ZAN: variants seen among roughly 807,000 people sequenced by gnomAD.
The protein encoded by ZAN is zonadhesin (gene/pseudogene).
A neutral mutation model predicts 286.2 loss-of-function variants in ZAN; 260 were observed. The observed-to-expected ratio is 0.91, with a 90% confidence interval of 0.82 to 1.01. The LOEUF (loss-of-function observed/expected upper bound fraction) is 1.01. ZAN is among the 50% of genes least tolerant of loss of function. ZAN has a pLI of 0.00. For missense variants in ZAN, 3,410 were observed against 3,639.2 expected (o/e 0.94, Z 1.62); for synonymous variants, 1,368 against 1,417.5 (o/e 0.97, Z 0.79).
At position 100,734,248 on chromosome 7, in the gene ZAN, A is replaced by G; in HGVS notation, c.53+27A>G. On this transcript the variant is annotated intron_variant, in intron 2 of 47. Coordinates refer to ENST00000613979, the MANE Select transcript of ZAN (RefSeq NM_003386.3). Reference sequence around the variant, plus strand: ...TAAGCTGGGCCCAGGGGGTAATGATAAACCAGGGTCAGCTGAGGGTGGCTG... The same window carrying G: ...TAAGCTGGGCCCAGGGGGTAATGATGAACCAGGGTCAGCTGAGGGTGGCTG... The G allele has an allele frequency of 1.4e-6, 2 of 1,387,108 alleles. 1 individual carries two copies. Among genetic ancestry groups the G allele is most frequent in the Non-Finnish European group, 2.0e-6 (2 of 1,020,002 alleles). The allele number at this position is 1,387,108 out of a possible 1,614,324, so 85.9% of individuals were successfully genotyped here. A position where few individuals can be genotyped will look rare whatever the true frequency, so the allele number is the denominator to read the frequency against.
intron 7 of ZAN, among the ~76,000 whole-genome samples, chr7:100,743,956 A>G (rs1426582836): frequency 6.6e-6 from 1 of 151,360 alleles, no homozygotes; most frequent in Non-Finnish European, 1.5e-5. Context: ...GCCTCAAGCC[A>G]TCTTCCTGCT....
chr7:100,761,587 T>C (rs1016915479), intron 19 of ZAN, among the ~76,000 whole-genome samples: 19 of 151,944 alleles, frequency 1.3e-4, no homozygotes, highest in African/African-American at 4.4e-4. Context: ...TGAGCCGAGA[T>C]TGCACCACTG....
chr7:100,734,234 C>A lies in ZAN; in HGVS notation c.53+13C>A. 1.4e-6 allele frequency: 2 copies of A among 1,428,994 alleles called. No individual in the cohort carries two copies. Among genetic ancestry groups the A allele is most frequent in the East Asian group, 2.5e-5 (1 of 39,486 alleles). The allele number at this position is 1,428,994 out of a possible 1,614,324, so 88.5% of individuals were successfully genotyped here. ...CTGCCCTTTTCAGGTAAGCTGGGCC[C>A]AGGGGGTAATGATAAACCAGGGTCA... On this transcript the variant is annotated intron_variant, in intron 2 of 47. Coordinates refer to ENST00000613979, the MANE Select transcript of ZAN (RefSeq NM_003386.3).
At chr7:100,790,290 C>T (rs142004479) in intron 39 of ZAN, among the ~76,000 whole-genome samples, 5,733 of 151,664 alleles carry the variant, frequency 0.038, 384 homozygotes, top group African/African-American at 0.13. Context: ...AGGCTGGGCA[C>T]GGTGGCTCAC....
chr7:100,751,323 T>A, intron 13 of ZAN, 57 bp downstream of exon 13: 1 of 1,298,642 alleles, frequency 7.7e-7, no homozygotes, highest in Non-Finnish European at 1.0e-6. Context: ...TCCCTGGAGT[T>A]CTCTCTATGA....
chr7:100,787,600 C>G lies in ZAN; in HGVS notation c.6980-289C>G, dbSNP rs539720332. 2.6e-5 allele frequency among the ~76,000 whole-genome samples: 4 copies of G among 152,192 alleles called. No homozygotes were observed. The South Asian group carries it at 8.3e-4, about 32-fold the overall frequency. On this transcript the variant is annotated intron_variant, in intron 37 of 47. Transcript: ENST00000613979. ...TTTGAGATGGTGTCTTACTCTGTCT[C>G]CCAGGCTGGAGTGCAGTGGCGCGAT...
intron 40 of ZAN, among the ~76,000 whole-genome samples, chr7:100,791,463 G>A (rs1811955914): frequency 6.6e-6 from 1 of 151,826 alleles, no homozygotes; most frequent in Non-Finnish European, 1.5e-5. Context: ...CTGGAGTGCA[G>A]TGGCATGATC....
At chr7:100,751,338 C>A in intron 13 of ZAN, 72 bp downstream of exon 13, 1 of 1,141,322 alleles carries the variant, frequency 8.8e-7, no homozygotes, top group Non-Finnish European at 1.2e-6. Flanking sequence ...CTATGAACTG[C>A]TTAAAATGTG....
rs1807392869 is a variant in ZAN at position 100,737,405 on chromosome 7, CACA to C, written c.613+61_613+63del. The C allele has an allele frequency of 1.1e-5, 13 of 1,224,964 alleles. 2 individuals carry two copies. The highest frequency in any genetic ancestry group is 1.4e-5 in the South Asian group (1 of 70,262). The allele number at this position is 1,224,964 out of a possible 1,614,324, so 75.9% of individuals were successfully genotyped here. On this transcript the variant is annotated intron_variant, in intron 6 of 47. Transcript: ENST00000613979. Reference sequence around the variant, plus strand: ...TCGGACCCTTTTCTCTCCGTCCTTGCACAACAAGAAGAGGATCCAGGGCGGGCG... The same window carrying C: ...TCGGACCCTTTTCTCTCCGTCCTTGCACAAGAAGAGGATCCAGGGCGGGCG...
chr7:100,792,517 G>C (rs1353642988), intron 42 of ZAN, 38 bp downstream of exon 42: 1 of 1,612,066 alleles, frequency 6.2e-7, no homozygotes, highest in East Asian at 2.2e-5. Flanking sequence ...CGCTGCCCTG[G>C]CTGGCTGGCG....
At chr7:100,775,235 T>C (rs1810669278) in intron 31 of ZAN, 93 bp from the exon 32 acceptor site, 4 of 1,497,086 alleles carry the variant, frequency 2.7e-6, no homozygotes, top group Admixed American at 4.4e-5. Context: ...TTGACTCTTT[T>C]CTGGAAGGCA....
In ZAN at chr7:100,797,778, T is replaced by G. The variant is rs1006786844; in HGVS notation, c.*46T>G. 1 of 1,587,972 alleles carries G rather than the reference T, an allele frequency of 6.3e-7. No homozygotes were observed. The highest frequency in any genetic ancestry group is 8.6e-7 in the Non-Finnish European group (1 of 1,165,468). On this transcript the variant is annotated 3_prime_UTR_variant, in exon 48 of 48. Coordinates refer to ENST00000613979, the MANE Select transcript of ZAN (RefSeq NM_003386.3). ...CTTCAGACAAGAAGATTAAATAAAT[T>G]TATATATTTATTTATTTGAGACAGG...
rs1368822068 is a variant in ZAN, at chr7:100,793,889, T to G, written c.7857T>G (p.Pro2619=). 4 of 1,613,908 alleles carry G rather than the reference T, an allele frequency of 2.5e-6. No individual in the cohort carries two copies. In the South Asian group the frequency reaches 4.4e-5, roughly 18 times the overall value. The change falls in exon 43 of 48, where the codon CCT becomes CCG. Residue 2619 remains proline (P), a synonymous_variant. Transcript: ENST00000613979. Reference sequence around the variant, plus strand: ...CCCTGCCCAGCATCCTGTGCCAACCTGGCAGACCCCGGGGACTGCGAGGGC... The same window carrying G: ...CCCTGCCCAGCATCCTGTGCCAACCGGGCAGACCCCGGGGACTGCGAGGGC... ...YDTLPSILCQ[P]GRPRGLRGPL... is the part of the protein sequence containing the mutation.
chr7:100,791,157 T>C (rs767681004), intron 40 of ZAN, 44 bp downstream of exon 40: 14 of 1,584,630 alleles, frequency 8.8e-6, no homozygotes, highest in Non-Finnish European at 7.7e-6. Flanking sequence ...TGAACAACAA[T>C]GTCTGTGCAC....
chr7:100,794,200 C>T lies in ZAN; in HGVS notation c.8067C>T (p.Phe2689=). 6.2e-7 allele frequency: 1 copy of T among 1,613,932 alleles called. No individual in the cohort carries two copies. The highest frequency in any genetic ancestry group is 8.5e-7 in the Non-Finnish European group (1 of 1,179,854). Residue 2689 remains phenylalanine (F), a synonymous_variant, in exon 44 of 48, where the codon TTC becomes TTT. Transcript: ENST00000613979. Reference sequence around the variant, plus strand: ...CACGGATCCTGCTGTGTGAGCCCTTCAGCTGCAGAGCGGGGGAGGTCTGCA... The same window carrying T: ...CACGGATCCTGCTGTGTGAGCCCTTTAGCTGCAGAGCGGGGGAGGTCTGCA... ...ASSRILLCEP[F]SCRAGEVCTL...
At chr7:100,769,443 G>C (rs1043075186) in intron 27 of ZAN, among the ~76,000 whole-genome samples, 2 of 151,956 alleles carry the variant, frequency 1.3e-5, no homozygotes, top group Non-Finnish European at 2.9e-5. Context: ...AGGCCCTCAG[G>C]TCTTGTCTTG....
chr7:100,788,941 CG>C (rs1340221079), intron 38 of ZAN, among the ~76,000 whole-genome samples: 11 of 152,044 alleles, frequency 7.2e-5, no homozygotes, highest in African/African-American at 2.4e-4. Context: ...TCAAGTGATC[CG>C]CCCGACTCGG....
At chr7:100,758,502 G>A in intron 16 of ZAN, 29 bp from the exon 17 acceptor site, 7 of 1,554,466 alleles carry the variant, frequency 4.5e-6, no homozygotes, top group Non-Finnish European at 6.1e-6. Context: ...CACAGAAGCA[G>A]CTTCGCCTGT....
intron 42 of ZAN, 139 bp downstream of exon 42, chr7:100,792,618 T>C (rs1047256009): frequency 3.8e-5 from 56 of 1,471,148 alleles, no homozygotes; most frequent in Admixed American, 7.4e-5. Flanking sequence ...CTTCCCACCA[T>C]TGCCTCATCT....
Sources: allele counts gnomAD v4.1 joint callset (sites outside exome capture counted in the v4.1 genomes callset), GRCh38; gene constraint gnomAD v4.1.1; transcripts MANE v1.5; gene names NCBI Gene and HGNC (gene_info 2026-07-23, HGNC 2026-07-21).